Variants in WNK1 observed in about 807,000 individuals in gnomAD.
The protein encoded by WNK1 is serine/threonine-protein kinase WNK1.
Under a neutral mutation model 222.8 loss-of-function variants are expected in WNK1, and 38 were observed. The observed-to-expected ratio is 0.17, with a 90% confidence interval of 0.13 to 0.22. The LOEUF (loss-of-function observed/expected upper bound fraction) is 0.22, where lower values mean the gene tolerates loss of function less well. Ranked by LOEUF, WNK1 falls within the 10% of genes least tolerant of loss-of-function variation. The probability of loss-of-function intolerance (pLI) is 1.00; values close to 1 mark genes in which losing one functional copy is unlikely to be tolerated. For synonymous variants in WNK1, 1,090 were observed against 1,092.9 expected, an observed-to-expected ratio of 1.00 and a Z score of 0.05; for missense variants, 2,348 against 2,918.4, an observed-to-expected ratio of 0.80 and a Z score of 4.50.
intron 8 of WNK1, 22 bp downstream of exon 8, chr12:862,292 T>C (rs1309195174): frequency 1.2e-6 from 2 of 1,612,460 alleles, no homozygotes; most frequent in Admixed American, 1.7e-5. Flanking sequence ...CTTAAGAGCA[T>C]GTAATACTAC....
At chr12:834,186 A>G (rs1262044723) in intron 4 of WNK1, among the ~76,000 whole-genome samples, 5 of 152,166 alleles carry the variant, frequency 3.3e-5, no homozygotes, top group Non-Finnish European at 7.4e-5. Flanking sequence ...AGGAAAGGCA[A>G]ATTGATCAAA....
chr12:845,620 T>C (rs1386215794), intron 4 of WNK1, among the ~76,000 whole-genome samples: 1 of 152,250 alleles, frequency 6.6e-6, no homozygotes, highest in Non-Finnish European at 1.5e-5. Context: ...GAGCAAATTA[T>C]TTACTTCTCT....
intron 4 of WNK1, among the ~76,000 whole-genome samples, chr12:835,348 C>A (rs566985585): frequency 1.0e-3 from 156 of 151,626 alleles, no homozygotes; most frequent in Admixed American, 1.2e-3. Context: ...AAAAAAACAA[C>A]AAAAAAACCC....
chr12:756,947 G>C (rs1047433859), intron 1 of WNK1, among the ~76,000 whole-genome samples: 1 of 152,188 alleles, frequency 6.6e-6, no homozygotes, highest in African/African-American at 2.4e-5. Flanking sequence ...TAAGGAACCT[G>C]AAATCATAGA....
chr12:833,397 T>G (rs1948952979), intron 4 of WNK1, among the ~76,000 whole-genome samples: 1 of 152,252 alleles, frequency 6.6e-6, no homozygotes, highest in African/African-American at 2.4e-5. Flanking sequence ...ATCTTTGCTA[T>G]TCTTCATCTT....
chr12:907,697 A>G (rs537313715), intron 26 of WNK1, 150 bp from the exon 27 acceptor site: 3 of 953,042 alleles, frequency 3.1e-6, no homozygotes, highest in Non-Finnish European at 4.9e-6. Context: ...ATGGCTAAAC[A>G]AAACCTTGGA....
chr12:765,618 G>A (rs1280301761), intron 1 of WNK1, among the ~76,000 whole-genome samples: 1 of 151,914 alleles, frequency 6.6e-6, no homozygotes, highest in Non-Finnish European at 1.5e-5. Context: ...CTTGGGTCAA[G>A]TTGTGCTTTT....
intron 1 of WNK1, among the ~76,000 whole-genome samples, chr12:785,611 G>A (rs940168962): frequency 6.6e-6 from 1 of 151,830 alleles, no homozygotes; most frequent in Non-Finnish European, 1.5e-5. Flanking sequence ...GTTCGCCAGG[G>A]TGATCTGGAT....
intron 9 of WNK1, among the ~76,000 whole-genome samples, chr12:874,974 G>T (rs920096804): frequency 6.6e-6 from 1 of 152,136 alleles, no homozygotes; most frequent in East Asian, 1.9e-4. Context: ...ATTTGAAATG[G>T]ACTTTGATTA....
intron 1 of WNK1, among the ~76,000 whole-genome samples, chr12:761,550 C>T (rs924791319): frequency 6.8e-6 from 1 of 147,810 alleles, no homozygotes; most frequent in African/African-American, 2.4e-5. Context: ...TTATTTTTGT[C>T]AGTAGATACG....
At chr12:798,809 C>G (rs1945591367) in intron 1 of WNK1, among the ~76,000 whole-genome samples, 1 of 152,106 alleles carries the variant, frequency 6.6e-6, no homozygotes, top group Non-Finnish European at 1.5e-5. Context: ...TCATTTTCCT[C>G]CTTGACACTC....
In WNK1 at chr12:871,334, C is replaced by A. The variant is rs1471922569; in HGVS notation, c.2209C>A (p.Gln737Lys). 1 of 1,614,120 alleles carries A rather than the reference C, an allele frequency of 6.2e-7. No homozygotes were observed. The change falls in exon 9 of 28, where the codon CAA becomes AAA. Residue 737 changes from glutamine to lysine, a missense_variant. Coordinates refer to ENST00000315939, the MANE Select transcript of WNK1 (RefSeq NM_018979.4). ...AGGGGTTTCATCTTCCCAACCCATA[C>A]AACATCCTCAGCAGGTGAGAACAAT... The part of the protein sequence containing the change: ...LTGVSSSQPI[Q>K]HPQQQQGIQQ...
At chr12:784,698 ATTC>A (rs1015263083) in intron 1 of WNK1, among the ~76,000 whole-genome samples, 39 of 152,252 alleles carry the variant, frequency 2.6e-4, no homozygotes, top group Admixed American at 1.6e-3. Context: ...ACTTTTAGAT[ATTC>A]TTCTTTTTTG....
chr12:787,282 T>G (rs1175796105), intron 1 of WNK1, among the ~76,000 whole-genome samples: 1 of 152,212 alleles, frequency 6.6e-6, no homozygotes, highest in Non-Finnish European at 1.5e-5. Flanking sequence ...AATCCTCTTG[T>G]GCATCCATTT....
At chr12:767,234 G>GTTTTTTTTTTTTTTTTTTTTT in intron 1 of WNK1, among the ~76,000 whole-genome samples, 1 of 70,858 alleles carries the variant, frequency 1.4e-5, no homozygotes, top group Non-Finnish European at 2.4e-5. Context: ...GGGTTGATAG[G>GTTTTTTTTTTTTTTTTTTTTT]TTTTTTTTTT....
intron 1 of WNK1, among the ~76,000 whole-genome samples, chr12:787,861 A>C (rs1591701518): frequency 6.6e-6 from 1 of 152,200 alleles, no homozygotes; most frequent in African/African-American, 2.4e-5. Context: ...GTGTAATTTT[A>C]GTGTGAAAAA....
At chr12:889,951 C>CTT (rs755068368) in intron 21 of WNK1, among the ~76,000 whole-genome samples, 2,948 of 130,396 alleles carry the variant, frequency 0.023, 132 homozygotes, top group African/African-American at 0.064. Context: ...TAAAATGTAC[C>CTT]TTTTTTTTTT....
intron 1 of WNK1, among the ~76,000 whole-genome samples, chr12:794,925 T>A (rs573403388): frequency 7.9e-5 from 12 of 152,150 alleles, no homozygotes; most frequent in East Asian, 7.7e-4. Flanking sequence ...CTAATTTTTT[T>A]AAAAAATTGT....
intron 9 of WNK1, among the ~76,000 whole-genome samples, chr12:875,891 A>T (rs1952565504): frequency 6.6e-6 from 1 of 152,232 alleles, no homozygotes; most frequent in South Asian, 2.1e-4. Flanking sequence ...AGATAATTAT[A>T]GATATCTCAT....
Sources: gnomAD v4.1 joint callset for allele counts (sites outside exome capture counted in the v4.1 genomes callset) on GRCh38, gnomAD v4.1.1 for gene constraint, MANE v1.5 for transcripts, NCBI Gene and HGNC (gene_info 2026-07-23, HGNC 2026-07-21) for gene names.